MPV17: variants seen among roughly 807,000 people sequenced by gnomAD.
MPV17 encodes MPV17, mitochondrial inner membrane protein.
A neutral mutation model predicts 28.6 loss-of-function variants in MPV17; 31 were observed. The observed-to-expected ratio is 1.08, with a 90% CI of 0.81 to 1.46. The LOEUF is 1.46. MPV17 is among the 40% of genes most tolerant of loss of function. The pLI, the probability that MPV17 is intolerant of heterozygous loss-of-function variation, is 0.00. For synonymous variants in MPV17, 87 were observed against 85.3 expected (o/e 1.02, Z -0.11); for missense variants, 198 against 216.2 (o/e 0.92, Z 0.53).
chr2:27,322,102 G>A, intron 2 of MPV17: 1 of 347,770 alleles, frequency 2.9e-6, no homozygotes, highest in Admixed American at 4.3e-5. Context: ...CTTTGTGGGG[G>A]CCCTATGCCA....
intron 7 of MPV17, chr2:27,311,420 C>T (rs749520218): frequency 5.2e-5 from 35 of 667,082 alleles, no homozygotes; most frequent in Non-Finnish European, 8.1e-5. Flanking sequence ...CCCTCTGAAG[C>T]GTTCCATATT....
At position 27,310,248 on chromosome 2, in the gene MPV17, A is replaced by C. The variant is rs187628677; in HGVS notation, c.462-267T>G. On this transcript the variant is annotated intron_variant, in intron 7 of 7. Transcript: ENST00000380044. ...GTAGCTGGGACTACAGGTGTGCTCC[A>C]CCACACCTGGCTAATTTTTGTATTT... Among the ~76,000 whole-genome samples the C allele has an allele frequency of 0.013, 1,912 of 152,208 alleles. 13 individuals carry two copies. The highest frequency in any genetic ancestry group is 0.019 in the Non-Finnish European group (1,288 of 68,002).
intron 2 of MPV17, among the ~76,000 whole-genome samples, chr2:27,320,237 GAAGAAAAAAAAA>G (rs1272765424): frequency 3.4e-5 from 5 of 145,282 alleles, no homozygotes; most frequent in African/African-American, 5.1e-5. Context: ...ACTCCATCTC[GAAGAAAAAAAAA>G]AAGAAAAAAA....
At chr2:27,320,332 T>A (rs931722097) in intron 2 of MPV17, among the ~76,000 whole-genome samples, 4 of 151,694 alleles carry the variant, frequency 2.6e-5, no homozygotes, top group Non-Finnish European at 5.9e-5. Flanking sequence ...TCAAGATTTT[T>A]TTTTTGTTGA....
intron 2 of MPV17, among the ~76,000 whole-genome samples, chr2:27,315,242 T>C (rs747854818): frequency 1.3e-5 from 2 of 152,198 alleles, no homozygotes; most frequent in Non-Finnish European, 2.9e-5. Context: ...GTCTGAAGAA[T>C]TCTTAAGTTG....
At chr2:27,315,349 T>C (rs1679610434) in intron 2 of MPV17, among the ~76,000 whole-genome samples, 1 of 152,150 alleles carries the variant, frequency 6.6e-6, no homozygotes, top group Non-Finnish European at 1.5e-5. Context: ...CAGCCAGGGA[T>C]GAGAGGGAGC....
intron 7 of MPV17, chr2:27,311,591 G>C (rs1403761457): frequency 6.4e-7 from 1 of 1,550,496 alleles, no homozygotes; most frequent in Non-Finnish European, 8.7e-7. Flanking sequence ...CTAGGCTGCA[G>C]CACCCCAGCC....
intron 4 of MPV17, 40 bp downstream of exon 4, chr2:27,312,640 C>G (rs201682815): frequency 1.2e-6 from 2 of 1,612,976 alleles, no homozygotes; most frequent in East Asian, 2.2e-5. Flanking sequence ...CCACCTACCC[C>G]CAACACAGCT....
In MPV17 at chr2:27,312,890, G is replaced by A. The variant is rs1679507460; in HGVS notation, c.186+104C>T. On this transcript the variant is annotated intron_variant, in intron 3 of 7. Coordinates refer to ENST00000380044, the MANE Select transcript of MPV17 (RefSeq NM_002437.5). Reference sequence around the variant, plus strand: ...GAAGTGGACACTAAGAAAAAAGAGGGCGGCAGGTTGGCTTAGGTGTGAGAG... The same window carrying A: ...GAAGTGGACACTAAGAAAAAAGAGGACGGCAGGTTGGCTTAGGTGTGAGAG... 2.6e-6 allele frequency: 4 copies of A among 1,537,928 alleles called. No individual in the cohort carries two copies. In the African/African-American group the frequency reaches 5.5e-5, roughly 21 times the overall value.
At chr2:27,310,087 G>A in intron 7 of MPV17, 106 bp from the exon 8 acceptor site, 1 of 878,884 alleles carries the variant, frequency 1.1e-6, no homozygotes, top group Non-Finnish European at 1.9e-6. Flanking sequence ...CAAAGGATTG[G>A]CAGGTTTAGG....
At chr2:27,321,473 A>G (rs186764501) in intron 2 of MPV17, among the ~76,000 whole-genome samples, 6 of 152,280 alleles carry the variant, frequency 3.9e-5, no homozygotes, top group Admixed American at 2.0e-4. Context: ...GTAGCCCCCA[A>G]TCCCTTCCAA....
intron 2 of MPV17, among the ~76,000 whole-genome samples, chr2:27,318,456 C>T (rs1403198224): frequency 6.6e-6 from 1 of 151,920 alleles, no homozygotes; most frequent in Non-Finnish European, 1.5e-5. Flanking sequence ...TTCCTGGGTT[C>T]AAGCAATTCT....
chr2:27,316,409 G>A (rs970873701), intron 2 of MPV17, among the ~76,000 whole-genome samples: 2 of 152,184 alleles, frequency 1.3e-5, no homozygotes, highest in Non-Finnish European at 2.9e-5. Flanking sequence ...GGGGTGAGTA[G>A]GTGGTATGTA....
chr2:27,313,215 C>T, intron 2 of MPV17, 106 bp from the exon 3 acceptor site: 6 of 1,580,556 alleles, frequency 3.8e-6, no homozygotes, highest in Non-Finnish European at 5.2e-6. Context: ...GTACTCTGAA[C>T]CCCAGGGCTT....
At chr2:27,319,048 A>G (rs1679761076) in intron 2 of MPV17, among the ~76,000 whole-genome samples, 1 of 152,066 alleles carries the variant, frequency 6.6e-6, no homozygotes. Context: ...TACAGGCATG[A>G]GCCACCACGC....
chr2:27,318,069 CTTTTTTT>C (rs746744519), intron 2 of MPV17, among the ~76,000 whole-genome samples: 1 of 137,410 alleles, frequency 7.3e-6, no homozygotes, highest in Non-Finnish European at 1.6e-5. Context: ...TCTTTCTTTT[CTTTTTTT>C]TTTTTTTTTT....
At chr2:27,320,406 G>A (rs1679814889) in intron 2 of MPV17, among the ~76,000 whole-genome samples, 1 of 149,170 alleles carries the variant, frequency 6.7e-6, no homozygotes, top group Non-Finnish European at 1.5e-5. Flanking sequence ...GCACAATCTT[G>A]GCTCACCGCA....
rs1054768430 is a variant in MPV17, at chr2:27,316,910, G to A, written c.71-3801C>T. 81 of 599,682 alleles carry A rather than the reference G, an allele frequency of 1.4e-4. No individual in the cohort carries two copies. The South Asian group carries it at 1.8e-3, about 13-fold the overall frequency. The allele number at this position is 599,682 out of a possible 1,614,324, so 37.1% of individuals were successfully genotyped here. On this transcript the variant is annotated intron_variant, in intron 2 of 7. Coordinates refer to ENST00000380044, the MANE Select transcript of MPV17 (RefSeq NM_002437.5). The stretch of plus-strand genomic sequence containing the variant: ...CTGGGTAGGTGCCAGTTCTCATGCC[G>A]TCACTCCCGAACAGATCCAGCGGCC...
In MPV17 at chr2:27,317,008, C is replaced by T. The variant is rs1052378952; in HGVS notation, c.71-3899G>A. ...CTGCCCACTAGTGGAAAAGCCCCAACTTCCACACCCTCTTCCCGGGCATGG... is the reference window on the plus strand; with the variant it reads ...CTGCCCACTAGTGGAAAAGCCCCAATTTCCACACCCTCTTCCCGGGCATGG... On this transcript the variant is annotated intron_variant, in intron 2 of 7. Transcript: ENST00000380044. This position sits in a 1 kb window ranked among gnomAD's most constrained non-coding sequence, Gnocchi z 4.0. The T allele has an allele frequency of 6.3e-6, 9 of 1,420,578 alleles. No individual in the cohort carries two copies. The Admixed American group carries it at 1.4e-4, about 22-fold the overall frequency. The allele number at this position is 1,420,578 out of a possible 1,614,324, so 88.0% of individuals were successfully genotyped here. A position where few individuals can be genotyped will look rare whatever the true frequency, so the allele number is the denominator to read the frequency against.
Sources: gnomAD v4.1 joint callset for allele counts (sites outside exome capture counted in the v4.1 genomes callset) on GRCh38, gnomAD v4.1.1 for gene constraint, Gnocchi (gnomAD v3.1) non-coding constraint, MANE v1.5 for transcripts, NCBI Gene and HGNC (gene_info 2026-07-23, HGNC 2026-07-21) for gene names.